The following CPHXL2 variants were observed in gnomAD, a reference collection of about 807,000 sequenced individuals.
CPHXL2 encodes cytoplasmic polyadenylated homeobox-like protein 2.
At chr16:75,671,058 C>T in the CPHXL2 span, among the ~76,000 whole-genome samples, 2 of 152,154 alleles carry the variant, frequency 1.3e-5, no homozygotes, top group South Asian at 4.1e-4. Flanking sequence ...CTCACTTTCC[C>T]AGGGAGTCCT....
the CPHXL2 span, among the ~76,000 whole-genome samples, chr16:75,675,168 GAC>G: frequency 1.3e-5 from 2 of 148,800 alleles, no homozygotes; most frequent in Admixed American, 1.3e-4. Context: ...CAGGCTGGGT[GAC>G]AGAGTGAGAC....
chr16:75,673,806 C>A, the CPHXL2 span, among the ~76,000 whole-genome samples: 1 of 151,108 alleles, frequency 6.6e-6, no homozygotes, highest in Admixed American at 6.6e-5. Context: ...TGGCAAAACC[C>A]TGTCTCTACC....
the CPHXL2 span, among the ~76,000 whole-genome samples, chr16:75,668,386 T>A: frequency 4.0e-5 from 6 of 151,882 alleles, no homozygotes; most frequent in East Asian, 3.9e-4. Context: ...GCACCACCAC[T>A]CCCGGCTAAT....
the CPHXL2 span, among the ~76,000 whole-genome samples, chr16:75,673,912 G>A: frequency 5.3e-5 from 8 of 151,192 alleles, no homozygotes; most frequent in South Asian, 1.0e-3. Context: ...CCTGGGAGGC[G>A]GAGGTTGCAG....
the CPHXL2 span, among the ~76,000 whole-genome samples, chr16:75,674,783 C>G: frequency 2.6e-5 from 4 of 151,924 alleles, no homozygotes; most frequent in Non-Finnish European, 2.9e-5. Flanking sequence ...GATCTCGGCT[C>G]ACTGCAACCT....
At chr16:75,665,485 C>T in the CPHXL2 span, among the ~76,000 whole-genome samples, 1 of 152,178 alleles carries the variant, frequency 6.6e-6, no homozygotes, top group Non-Finnish European at 1.5e-5. Flanking sequence ...AAAAGGAGCT[C>T]TGAAATCTTG....
chr16:75,673,683 A>G, the CPHXL2 span, among the ~76,000 whole-genome samples: 1 of 152,090 alleles, frequency 6.6e-6, no homozygotes, highest in Non-Finnish European at 1.5e-5. Flanking sequence ...GAAAGGCACA[A>G]AGCAAGATTA....
the CPHXL2 span, among the ~76,000 whole-genome samples, chr16:75,674,992 C>A: frequency 6.6e-6 from 1 of 151,664 alleles, no homozygotes; most frequent in Non-Finnish European, 1.5e-5. Flanking sequence ...AGTTCGAGAC[C>A]AGCCTGGCCA....
the CPHXL2 span, among the ~76,000 whole-genome samples, chr16:75,669,999 C>T: frequency 6.6e-6 from 1 of 152,220 alleles, no homozygotes; most frequent in African/African-American, 2.4e-5. Flanking sequence ...ACTGCAACCT[C>T]TGCCTCCTGG....
the CPHXL2 span, among the ~76,000 whole-genome samples, chr16:75,672,300 T>G: frequency 6.6e-6 from 1 of 151,894 alleles, no homozygotes; most frequent in Non-Finnish European, 1.5e-5. Context: ...AAAAATTTCC[T>G]TGATTGGCAT....
At chr16:75,668,209 C>A in the CPHXL2 span, among the ~76,000 whole-genome samples, 1,356 of 131,648 alleles carry the variant, frequency 0.01, 12 homozygotes, top group African/African-American at 0.028. Context: ...CTCTCTCTCT[C>A]TCTCTATATA....
the CPHXL2 span, chr16:75,669,507 T>A: frequency 2.5e-6 from 1 of 399,538 alleles, no homozygotes; most frequent in Non-Finnish European, 4.4e-6. Flanking sequence ...TTTTTCTTTT[T>A]TTCTTTGTTT....
the CPHXL2 span, among the ~76,000 whole-genome samples, chr16:75,671,673 C>A: frequency 6.6e-6 from 1 of 152,080 alleles, no homozygotes; most frequent in Non-Finnish European, 1.5e-5. Flanking sequence ...AATAGAAACA[C>A]AATAAATATT....
chr16:75,662,795 T>C, the CPHXL2 span, among the ~76,000 whole-genome samples: 1 of 146,282 alleles, frequency 6.8e-6, no homozygotes, highest in Non-Finnish European at 1.5e-5. Context: ...GGGAGATAAT[T>C]CTTTTTTTTT....
the CPHXL2 span, among the ~76,000 whole-genome samples, chr16:75,671,632 A>C: frequency 4.6e-5 from 7 of 152,198 alleles, no homozygotes; most frequent in Non-Finnish European, 8.8e-5. Flanking sequence ...TTTAAAGCAC[A>C]ACATAGGCTG....
At chr16:75,669,118 C>T in the CPHXL2 span, among the ~76,000 whole-genome samples, 1 of 151,964 alleles carries the variant, frequency 6.6e-6, no homozygotes, top group African/African-American at 2.4e-5. Flanking sequence ...AGTTCGACAC[C>T]AGCCCGGGCA....
chr16:75,670,131 G>A, the CPHXL2 span, among the ~76,000 whole-genome samples: 3 of 152,246 alleles, frequency 2.0e-5, no homozygotes, highest in South Asian at 6.2e-4. Context: ...GGCCAGGCTG[G>A]TCTTGAACTC....
the CPHXL2 span, among the ~76,000 whole-genome samples, chr16:75,662,394 G>A: frequency 0.013 from 1,827 of 139,358 alleles, 51 homozygotes; most frequent in African/African-American, 0.045. Flanking sequence ...TTAAACCATC[G>A]ACTGCTGGTG....
chr16:75,661,433 G>C, the CPHXL2 span, among the ~76,000 whole-genome samples: 6 of 151,948 alleles, frequency 3.9e-5, no homozygotes, highest in Admixed American at 1.3e-4. Context: ...ATATGATACC[G>C]GAGGTCATGC....
Sources: gnomAD v4.1 joint callset for allele counts (sites outside exome capture counted in the v4.1 genomes callset) on GRCh38, gnomAD v4.1.1 for gene constraint, MANE v1.5 for transcripts, NCBI Gene and HGNC (gene_info 2026-07-23, HGNC 2026-07-21) for gene names.